The following PXDNL variants were observed in gnomAD, a reference collection of about 807,000 sequenced individuals.
PXDNL encodes the protein probable oxidoreductase PXDNL.
In PXDNL, 145 loss-of-function variants were observed where a neutral mutation model predicts 150.8. The ratio of observed to expected loss-of-function variants is 0.96; its 90% CI spans 0.84 to 1.10. The LOEUF (loss-of-function observed/expected upper bound fraction) is 1.10. PXDNL is among the 50% of genes least tolerant of loss of function. PXDNL has a pLI of 0.00. For missense variants in PXDNL, 2,087 were observed against 1,873.9 expected (o/e 1.11, Z -2.10); for synonymous variants, 757 against 725.7 (o/e 1.04, Z -0.69).
chr8:51,717,366 A>G (rs1482696576), intron 1 of PXDNL, among the ~76,000 whole-genome samples: 1 of 152,234 alleles, frequency 6.6e-6, no homozygotes, highest in Non-Finnish European at 1.5e-5. Flanking sequence ...AACCATTCTA[A>G]GGACACATTA....
chr8:51,662,505 C>T (rs974947430), intron 1 of PXDNL, among the ~76,000 whole-genome samples: 2 of 151,906 alleles, frequency 1.3e-5, no homozygotes, highest in East Asian at 1.9e-4. Context: ...AGTGAGACTC[C>T]ATCTCAAAAA....
At chr8:51,691,067 T>C (rs1327938722) in intron 1 of PXDNL, among the ~76,000 whole-genome samples, 9 of 152,236 alleles carry the variant, frequency 5.9e-5, no homozygotes, top group Admixed American at 5.9e-4. Flanking sequence ...TTCTGGATAT[T>C]AGCCCTTTGT....
intron 17 of PXDNL, among the ~76,000 whole-genome samples, chr8:51,393,191 A>G (rs983779186): frequency 2.0e-5 from 3 of 152,174 alleles, no homozygotes; most frequent in Non-Finnish European, 2.9e-5. Context: ...CTGAATTTTA[A>G]TTTCCTAAAT....
Position 51,423,595 on chromosome 8 carries a change from T to C in PXDNL, c.1775A>G (p.Asn592Ser). Residue 592 changes from asparagine (N) to serine (S), a missense_variant, in exon 14 of 23, where the codon AAC (asparagine) becomes AGC (serine). Transcript: ENST00000356297. ...CCTACCCGTGACTGTAAGAAACATG[T>C]TGGTCACAGCAAGGCCAAAAGAATT... is the stretch of plus-strand genomic sequence containing the variant. The part of the protein sequence containing the change: ...ARNSFGLAVT[N>S]MFLTVTAIQG... 6.2e-7 allele frequency: 1 copy of C among 1,613,692 alleles called. No individual in the cohort carries two copies. Among genetic ancestry groups the C allele is most frequent in the East Asian group, 2.2e-5 (1 of 44,846 alleles).
intron 1 of PXDNL, among the ~76,000 whole-genome samples, chr8:51,807,145 G>C (rs984830313): frequency 6.6e-5 from 10 of 152,146 alleles, no homozygotes; most frequent in African/African-American, 2.2e-4. Context: ...CTGAAACTGG[G>C]TAATTTACAA....
intron 1 of PXDNL, among the ~76,000 whole-genome samples, chr8:51,669,178 A>C (rs1815449641): frequency 1.3e-5 from 2 of 152,238 alleles, no homozygotes; most frequent in Non-Finnish European, 2.9e-5. Flanking sequence ...TTGTTAATCA[A>C]GTATTTTGAT....
At chr8:51,541,954 A>G (rs909257480) in intron 4 of PXDNL, among the ~76,000 whole-genome samples, 3 of 152,168 alleles carry the variant, frequency 2.0e-5, no homozygotes, top group Non-Finnish European at 4.4e-5. Context: ...TTAAAAGCAG[A>G]AACTTGTCTC....
intron 17 of PXDNL, among the ~76,000 whole-genome samples, chr8:51,399,837 T>C (rs1477065873): frequency 1.3e-5 from 2 of 152,170 alleles, no homozygotes; most frequent in Non-Finnish European, 1.5e-5. Context: ...GGTGGTAAAA[T>C]AGAATTTAGA....
At chr8:51,786,131 C>G (rs974897278) in intron 1 of PXDNL, among the ~76,000 whole-genome samples, 2 of 152,180 alleles carry the variant, frequency 1.3e-5, no homozygotes, top group African/African-American at 4.8e-5. Context: ...GCTGAGCACT[C>G]ACATTACCTG....
chr8:51,616,674 G>A (rs979543891), intron 2 of PXDNL, among the ~76,000 whole-genome samples: 4 of 152,136 alleles, frequency 2.6e-5, no homozygotes, highest in African/African-American at 9.7e-5. Flanking sequence ...ATCATCTCTA[G>A]ATTACTTAAA....
At chr8:51,365,789 G>A (rs1485405465) in intron 19 of PXDNL, among the ~76,000 whole-genome samples, 3 of 152,186 alleles carry the variant, frequency 2.0e-5, no homozygotes, top group Admixed American at 6.5e-5. Context: ...ACCTAAGTGA[G>A]AACCTTACCA....
Position 51,592,287 on chromosome 8 carries a change from C to T in PXDNL, c.308+340G>A, listed in dbSNP as rs2130655772. Reference sequence around the variant, plus strand: ...GGCATAAAGCTCCTTTAGCCAACAACAAAAAAACCCTTTTCTGTGTGTATG... The same window carrying T: ...GGCATAAAGCTCCTTTAGCCAACAATAAAAAAACCCTTTTCTGTGTGTATG... On this transcript the variant is annotated intron_variant, in intron 3 of 22. Transcript: ENST00000356297. 1.3e-5 allele frequency among the ~76,000 whole-genome samples: 2 copies of T among 152,080 alleles called. 1 individual carries two copies. The highest frequency in any genetic ancestry group is 4.2e-4 in the South Asian group (2 of 4,816).
intron 8 of PXDNL, among the ~76,000 whole-genome samples, chr8:51,463,824 C>G (rs1810137215): frequency 6.6e-6 from 1 of 151,892 alleles, no homozygotes; most frequent in South Asian, 2.1e-4. Context: ...GGAAATTGAA[C>G]AACTTAATCC....
In PXDNL at chr8:51,339,616, AAAC is replaced by A. The variant is rs750715433; in HGVS notation, c.4146+5_4146+7del. 5 of 1,611,324 alleles carry A rather than the reference AAAC, an allele frequency of 3.1e-6. No individual in the cohort carries two copies. The East Asian group carries it at 1.1e-4, about 36-fold the overall frequency. ...AATAAGGACATGTTATTTGAAGAGA[AAAC>A]AAACCTGCTCTCTGAGTGCTGTGAT... On this transcript the variant is annotated splice_donor_5th_base_variant and intron_variant, in intron 21 of 22. Coordinates refer to ENST00000356297, the MANE Select transcript of PXDNL (RefSeq NM_144651.5).
At chr8:51,471,095 A>C (rs1810319784) in intron 8 of PXDNL, among the ~76,000 whole-genome samples, 1 of 150,732 alleles carries the variant, frequency 6.6e-6, no homozygotes, top group African/African-American at 2.4e-5. Context: ...TCCGTCTGAC[A>C]AAGGGCTAAT....
chr8:51,389,677 C>A (rs1807830922), intron 17 of PXDNL, among the ~76,000 whole-genome samples: 1 of 152,212 alleles, frequency 6.6e-6, no homozygotes, highest in East Asian at 1.9e-4. Context: ...TCCTTTGTGA[C>A]ATATAAGAAT....
intron 17 of PXDNL, among the ~76,000 whole-genome samples, chr8:51,393,184 A>G (rs1313872638): frequency 6.6e-6 from 1 of 152,230 alleles, no homozygotes; most frequent in African/African-American, 2.4e-5. Context: ...AATTTTCCTG[A>G]ATTTTAATTT....
chr8:51,339,761 T>A lies in PXDNL; in HGVS notation c.4017-8A>T, dbSNP rs775600362. On this transcript the variant is annotated splice_region_variant and splice_polypyrimidine_tract_variant and intron_variant, in intron 20 of 22. Transcript: ENST00000356297. The stretch of plus-strand genomic sequence containing the variant: ...TATATTTTATCTTGTTGCCTATTTA[T>A]AACAAGAAGCAAATAAAATGCTGAA... 1 of 1,583,458 alleles carries A rather than the reference T, an allele frequency of 6.3e-7. No homozygotes were observed. The highest frequency in any genetic ancestry group is 8.6e-7 in the Non-Finnish European group (1 of 1,169,042).
intron 2 of PXDNL, among the ~76,000 whole-genome samples, chr8:51,609,913 G>A (rs1255404179): frequency 6.6e-6 from 1 of 152,140 alleles, no homozygotes; most frequent in East Asian, 1.9e-4. Flanking sequence ...GGAGCAGGGG[G>A]TTCTCTGTCC....
Sources: allele counts gnomAD v4.1 joint callset (sites outside exome capture counted in the v4.1 genomes callset), GRCh38; gene constraint gnomAD v4.1.1; transcripts MANE v1.5; gene names NCBI Gene and HGNC (gene_info 2026-07-23, HGNC 2026-07-21).